CCDC85A: variants seen among roughly 807,000 people sequenced by gnomAD.
CCDC85A encodes coiled-coil domain-containing protein 85A.
In CCDC85A, 38 loss-of-function variants were observed where a neutral mutation model predicts 50.2. The ratio of observed to expected loss-of-function variants is 0.76; its 90% CI spans 0.58 to 0.99. The LOEUF (loss-of-function observed/expected upper bound fraction) is 0.99. Among genes scored for constraint, CCDC85A ranks in the 50% least tolerant of loss-of-function variants. The pLI, the probability that CCDC85A is intolerant of heterozygous loss-of-function variation, is 0.00. For synonymous variants in CCDC85A, 366 were observed against 301.4 expected (o/e 1.21, Z -2.22); for missense variants, 820 against 742.0 (o/e 1.11, Z -1.22).
intron 3 of CCDC85A, among the ~76,000 whole-genome samples, chr2:56,371,716 TA>T (rs1676082265): frequency 6.6e-6 from 1 of 152,082 alleles, no homozygotes; most frequent in Admixed American, 6.6e-5. Flanking sequence ...CTAGTTCTAA[TA>T]AATACATAAA....
intron 2 of CCDC85A, among the ~76,000 whole-genome samples, chr2:56,222,649 G>A (rs1668375962): frequency 6.6e-6 from 1 of 152,062 alleles, no homozygotes; most frequent in Admixed American, 6.6e-5. Context: ...TGTTTTCTTG[G>A]CACAGAATAT....
intron 3 of CCDC85A, among the ~76,000 whole-genome samples, chr2:56,346,139 C>T (rs1338358944): frequency 6.6e-6 from 1 of 152,144 alleles, no homozygotes; most frequent in African/African-American, 2.4e-5. Flanking sequence ...AAATCTTCCT[C>T]AATGCTCCTT....
intron 2 of CCDC85A, among the ~76,000 whole-genome samples, chr2:56,267,114 T>A (rs1246114938): frequency 6.6e-6 from 1 of 152,204 alleles, no homozygotes; most frequent in African/African-American, 2.4e-5. Flanking sequence ...GGGCTTGGTT[T>A]GTGATATTTC....
chr2:56,274,966 G>C (rs1357701621), intron 2 of CCDC85A, among the ~76,000 whole-genome samples: 1 of 152,120 alleles, frequency 6.6e-6, no homozygotes, highest in Non-Finnish European at 1.5e-5. Context: ...GAGAAACCAA[G>C]CTCTCTGGTG....
intron 2 of CCDC85A, among the ~76,000 whole-genome samples, chr2:56,310,856 T>G (rs901302230): frequency 6.6e-6 from 1 of 152,184 alleles, no homozygotes; most frequent in Non-Finnish European, 1.5e-5. Flanking sequence ...TTGGTAGATG[T>G]GAATTGACAG....
At chr2:56,381,263 AAGATTTTC>A (rs1268197686) in intron 5 of CCDC85A, among the ~76,000 whole-genome samples, 1 of 147,152 alleles carries the variant, frequency 6.8e-6, no homozygotes, top group African/African-American at 2.7e-5. Context: ...ACCTGTGCTT[AAGATTTTC>A]AATTTGAATA....
chr2:56,307,866 G>A (rs1450493671), intron 2 of CCDC85A, among the ~76,000 whole-genome samples: 4 of 152,158 alleles, frequency 2.6e-5, no homozygotes, highest in Non-Finnish European at 4.4e-5. Flanking sequence ...TGAGTGCTTC[G>A]AGCAGTGTCT....
chr2:56,190,285 C>G (rs1676241958), intron 1 of CCDC85A, among the ~76,000 whole-genome samples: 1 of 152,126 alleles, frequency 6.6e-6, no homozygotes, highest in Non-Finnish European at 1.5e-5. Context: ...TTCATCCTTA[C>G]CAAACTACAG....
At chr2:56,212,202 G>A (rs1313696835) in intron 2 of CCDC85A, among the ~76,000 whole-genome samples, 2 of 152,026 alleles carry the variant, frequency 1.3e-5, no homozygotes, top group Non-Finnish European at 2.9e-5. Flanking sequence ...GTGTGGTAAA[G>A]TCCTCATCTT....
chr2:56,190,216 A>G (rs976826050), intron 1 of CCDC85A, among the ~76,000 whole-genome samples: 1 of 152,044 alleles, frequency 6.6e-6, no homozygotes, highest in Admixed American at 6.5e-5. Context: ...AAGACCAAAG[A>G]TTTTTCAGGC....
At chr2:56,268,234 A>G (rs570743277) in intron 2 of CCDC85A, among the ~76,000 whole-genome samples, 4 of 152,318 alleles carry the variant, frequency 2.6e-5, no homozygotes, top group South Asian at 2.1e-4. Flanking sequence ...ACAAGAATCT[A>G]TAAGGATCTG....
chr2:56,187,363 G>C (rs1462657120), intron 1 of CCDC85A, among the ~76,000 whole-genome samples: 2 of 152,144 alleles, frequency 1.3e-5, no homozygotes, highest in African/African-American at 4.8e-5. Context: ...TGTTATTGTA[G>C]CTGTGGACAC....
rs370983445 is a variant in CCDC85A, at chr2:56,192,570, C to G, written c.370C>G (p.Arg124Gly). The G allele has an allele frequency of 3.1e-6, 5 of 1,613,762 alleles. No individual in the cohort carries two copies. ...CCGGCAGAAAGGCAAGAGGGTGTCT[C>G]GGGAGTGGCAGAGACTGGGTCGCTA... is the stretch of plus-strand genomic sequence containing the variant. Reference protein sequence around the residue: ...DDRQKGKRVSREWQRLGRYTA... With the variant: ...DDRQKGKRVSGEWQRLGRYTA... Residue 124 changes from arginine (R) to glycine (G), a missense_variant, in exon 2 of 6, where the codon CGG (arginine) becomes GGG (glycine). Coordinates refer to ENST00000407595, the MANE Select transcript of CCDC85A (RefSeq NM_001080433.2). This position sits in a 1 kb window ranked among gnomAD's most constrained non-coding sequence, Gnocchi z 4.7.
intron 1 of CCDC85A, among the ~76,000 whole-genome samples, chr2:56,189,406 C>T (rs1056377477): frequency 6.7e-6 from 1 of 149,616 alleles, no homozygotes; most frequent in Non-Finnish European, 1.5e-5. Flanking sequence ...ATTCTCCTGC[C>T]TCAGGTTCCT....
rs1211382455 is a variant in CCDC85A at position 56,184,240 on chromosome 2, C to CG, written c.-379dup. 2 of 951,368 alleles carry CG rather than the reference C, an allele frequency of 2.1e-6. No individual in the cohort carries two copies. The highest frequency in any genetic ancestry group is 2.5e-6 in the Non-Finnish European group (2 of 791,314). The allele number at this position is 951,368 out of a possible 1,614,324, so 58.9% of individuals were successfully genotyped here. On this transcript the variant is annotated 5_prime_UTR_variant, in exon 1 of 6. Transcript: ENST00000407595. The stretch of plus-strand genomic sequence containing the variant: ...ACGCCTGTGTGCAGGGCAGAGAGTG[C>CG]GGGGGGCGACAGTCTCGGCTTAGGG...
chr2:56,253,547 T>G (rs1171479289), intron 2 of CCDC85A, among the ~76,000 whole-genome samples: 3 of 152,074 alleles, frequency 2.0e-5, no homozygotes, highest in African/African-American at 7.2e-5. Context: ...GAGAATTAAA[T>G]TTGAATTTGA....
chr2:56,355,912 A>G (rs1439660216), intron 3 of CCDC85A, among the ~76,000 whole-genome samples: 1 of 152,220 alleles, frequency 6.6e-6, no homozygotes, highest in African/African-American at 2.4e-5. Flanking sequence ...ACCCAGGACC[A>G]GATGGGAGCC....
At chr2:56,291,600 A>G (rs1238606063) in intron 2 of CCDC85A, among the ~76,000 whole-genome samples, 2 of 152,160 alleles carry the variant, frequency 1.3e-5, no homozygotes, top group Non-Finnish European at 2.9e-5. Flanking sequence ...ATCAGTAAGT[A>G]CAAAGACCCT....
intron 2 of CCDC85A, among the ~76,000 whole-genome samples, chr2:56,258,239 G>T (rs369797392): frequency 9.8e-5 from 15 of 152,290 alleles, no homozygotes; most frequent in African/African-American, 3.6e-4. Context: ...TGGTGCTGTG[G>T]TACAGAAGCC....
Sources: gnomAD v4.1 joint callset for allele counts (sites outside exome capture counted in the v4.1 genomes callset) on GRCh38, gnomAD v4.1.1 for gene constraint, Gnocchi (gnomAD v3.1) non-coding constraint, MANE v1.5 for transcripts, NCBI Gene and HGNC (gene_info 2026-07-23, HGNC 2026-07-21) for gene names.